The following COL24A1 variants were observed in gnomAD, a reference collection of about 807,000 sequenced individuals.
COL24A1 encodes the protein collagen type XXIV alpha 1 chain.
Under a neutral mutation model 253.9 loss-of-function variants are expected in COL24A1, and 224 were observed. The observed-to-expected ratio is 0.88, with a 90% CI of 0.79 to 0.99. The LOEUF is 0.99. Ranked by LOEUF, COL24A1 falls within the 50% of genes least tolerant of loss-of-function variation. The probability of loss-of-function intolerance (pLI) is 0.00; values close to 1 mark genes in which losing one functional copy is unlikely to be tolerated. For missense variants in COL24A1, 2,131 were observed against 2,068.5 expected (o/e 1.03, Z -0.59); for synonymous variants, 685 against 673.7 (o/e 1.02, Z -0.26).
At chr1:85,806,193 T>C (rs1671952538) in intron 47 of COL24A1, among the ~76,000 whole-genome samples, 1 of 152,164 alleles carries the variant, frequency 6.6e-6, no homozygotes, top group Non-Finnish European at 1.5e-5. Context: ...AAGACAAATC[T>C]AATAACAATT....
At chr1:85,853,555 C>A (rs1440529117) in intron 37 of COL24A1, among the ~76,000 whole-genome samples, 1 of 152,220 alleles carries the variant, frequency 6.6e-6, no homozygotes, top group Non-Finnish European at 1.5e-5. Flanking sequence ...AGACTATTTT[C>A]CACAGTGGCT....
At chr1:85,899,373 T>G (rs966145466) in intron 28 of COL24A1, among the ~76,000 whole-genome samples, 23 of 152,218 alleles carry the variant, frequency 1.5e-4, no homozygotes, top group Non-Finnish European at 4.4e-5. Context: ...AGAATTACTA[T>G]GTATTTCTTT....
Position 85,996,194 on chromosome 1 carries a change from C to T in COL24A1, c.2311-8540G>A, listed in dbSNP as rs181688034. ...TGGTAGGCAACAGTTGGTAATAATTCGAAGATCTTTTGAGAGAAAATAGAA... is the reference window on the plus strand; with the variant it reads ...TGGTAGGCAACAGTTGGTAATAATTTGAAGATCTTTTGAGAGAAAATAGAA... On this transcript the variant is annotated intron_variant, in intron 19 of 59. Transcript: ENST00000370571. 3.9e-3 allele frequency among the ~76,000 whole-genome samples: 596 copies of T among 152,090 alleles called. 4 individuals are homozygous for T. Among genetic ancestry groups the T allele is most frequent in the Non-Finnish European group, 3.8e-3 (259 of 67,990 alleles).
chr1:86,087,591 G>A (rs1703157607), intron 7 of COL24A1, among the ~76,000 whole-genome samples: 1 of 151,988 alleles, frequency 6.6e-6, no homozygotes, highest in African/African-American at 2.4e-5. Flanking sequence ...AGAAAGTAAT[G>A]AGTAGTTTAT....
chr1:85,744,592 C>T (rs1665003053), intron 57 of COL24A1, 74 bp downstream of exon 57: 1 of 1,263,778 alleles, frequency 7.9e-7, no homozygotes, highest in African/African-American at 1.5e-5. Flanking sequence ...GGAGTGAACA[C>T]ATTACAAATC....
At chr1:85,784,214 G>A (rs1282134877) in intron 49 of COL24A1, 45 bp downstream of exon 49, 2 of 1,608,938 alleles carry the variant, frequency 1.2e-6, no homozygotes, top group Non-Finnish European at 1.7e-6. Flanking sequence ...ATGGCAGCCT[G>A]CTCTGTAGAA....
intron 10 of COL24A1, 42 bp downstream of exon 10, chr1:86,057,889 T>C: frequency 1.3e-6 from 2 of 1,569,948 alleles, no homozygotes; most frequent in Non-Finnish European, 1.7e-6. Flanking sequence ...ATTCTACTTT[T>C]AGGCAAGCAT....
chr1:85,774,997 C>T (rs938375374), intron 53 of COL24A1, among the ~76,000 whole-genome samples: 11 of 152,066 alleles, frequency 7.2e-5, no homozygotes, highest in Admixed American at 2.0e-4. Context: ...TGCTTTCTCT[C>T]GTGGGCATTT....
At chr1:85,790,647 A>G (rs1210460531) in intron 47 of COL24A1, among the ~76,000 whole-genome samples, 1 of 71,722 alleles carries the variant, frequency 1.4e-5, no homozygotes, top group Non-Finnish European at 5.1e-5. Flanking sequence ...TATTACTGTG[A>G]CACTTTATTT....
At chr1:85,953,196 GC>G (rs1304226503) in intron 24 of COL24A1, among the ~76,000 whole-genome samples, 3 of 152,142 alleles carry the variant, frequency 2.0e-5, no homozygotes, top group Non-Finnish European at 2.9e-5. Flanking sequence ...TAGTTTTTAT[GC>G]AAACTAGCTT....
chr1:86,127,264 G>GTTTATATATTA (rs1557737595), intron 2 of COL24A1, among the ~76,000 whole-genome samples: 2 of 151,730 alleles, frequency 1.3e-5, no homozygotes, highest in Non-Finnish European at 2.9e-5. Flanking sequence ...TATGTAATAC[G>GTTTATATATTA]CATTTTATAT....
chr1:85,894,188 A>T (rs553504072), intron 31 of COL24A1, among the ~76,000 whole-genome samples: 43 of 152,284 alleles, frequency 2.8e-4, no homozygotes, highest in South Asian at 6.2e-4. Flanking sequence ...AATCCAATCA[A>T]GGAGAAGGAG....
At chr1:85,875,898 T>C (rs575807211) in intron 33 of COL24A1, among the ~76,000 whole-genome samples, 3 of 152,204 alleles carry the variant, frequency 2.0e-5, no homozygotes, top group East Asian at 3.9e-4. Context: ...CTACTATTGC[T>C]TGATGTTACA....
intron 19 of COL24A1, among the ~76,000 whole-genome samples, chr1:85,996,499 G>T (rs935603917): frequency 6.7e-5 from 4 of 60,046 alleles, no homozygotes; most frequent in African/African-American, 2.2e-4. Context: ...AACATGGCAT[G>T]GTGGTGGGTT....
rs565845403 is a variant in COL24A1, at chr1:86,048,494, AT to A, written c.1906-1626del. ...TATTTATATGTTAAGACAGGTCTTG[AT>A]TTTTTTTTTTTTTGAGATGGAGTCT... On this transcript the variant is annotated intron_variant, in intron 11 of 59. Transcript: ENST00000370571. 4.3e-3 allele frequency among the ~76,000 whole-genome samples: 616 copies of A among 144,266 alleles called. 9 individuals carry two copies. In the East Asian group the frequency reaches 0.048, roughly 11 times the overall value. The allele number at this position is 144,266 out of a possible 152,430, so 94.6% of individuals were successfully genotyped here.
intron 22 of COL24A1, among the ~76,000 whole-genome samples, chr1:85,965,599 A>T (rs886432172): frequency 2.6e-5 from 4 of 152,100 alleles, no homozygotes; most frequent in Admixed American, 2.6e-4. Flanking sequence ...CCTCAGGACT[A>T]GGGAGAGAAG....
chr1:85,834,966 T>A (rs1675831779), intron 43 of COL24A1, among the ~76,000 whole-genome samples: 1 of 152,222 alleles, frequency 6.6e-6, no homozygotes, highest in East Asian at 1.9e-4. Context: ...TTTATTTTTA[T>A]ACTGATTAAG....
intron 8 of COL24A1, among the ~76,000 whole-genome samples, chr1:86,061,600 C>G (rs1701095507): frequency 6.6e-6 from 1 of 151,990 alleles, no homozygotes; most frequent in South Asian, 2.1e-4. Context: ...CACTCAATGT[C>G]TAAGTTCTGC....
At chr1:85,746,296 T>C (rs1257482386) in intron 55 of COL24A1, among the ~76,000 whole-genome samples, 1 of 152,156 alleles carries the variant, frequency 6.6e-6, no homozygotes, top group African/African-American at 2.4e-5. Context: ...TCATAGCTCA[T>C]GGTTGGTAGT....
Sources: allele counts gnomAD v4.1 joint callset (sites outside exome capture counted in the v4.1 genomes callset), GRCh38; gene constraint gnomAD v4.1.1; transcripts MANE v1.5; gene names NCBI Gene and HGNC (gene_info 2026-07-23, HGNC 2026-07-21).